TMEM150C: variants seen among roughly 807,000 people sequenced by gnomAD.
TMEM150C encodes the protein tentonin 3.
A neutral mutation model predicts 29.9 loss-of-function variants in TMEM150C; 10 were observed. That is an observed-to-expected ratio of 0.33 (90% CI 0.21 to 0.57). The LOEUF (loss-of-function observed/expected upper bound fraction) is 0.57, where lower values mean the gene tolerates loss of function less well. TMEM150C is among the 20% of genes least tolerant of loss of function. TMEM150C has a pLI of 0.88. For missense variants in TMEM150C, 251 were observed against 303.6 expected, an observed-to-expected ratio of 0.83 and a Z score of 1.29; for synonymous variants, 101 against 112.5, an observed-to-expected ratio of 0.90 and a Z score of 0.64.
At chr4:82,499,791 T>C (rs1723676628) in intron 5 of TMEM150C, among the ~76,000 whole-genome samples, 1 of 151,224 alleles carries the variant, frequency 6.6e-6, no homozygotes, top group Non-Finnish European at 1.5e-5. Context: ...TTTTAAATTC[T>C]GAGTCTGACT....
chr4:82,487,129 A>G lies in TMEM150C; in HGVS notation c.542-1410T>C, dbSNP rs147145096. ...ATTCCACGTGTTCAGAAAGAGCATGAATCAGAATCATTTGGTGAAAGCTCA... is the reference window on the plus strand; with the variant it reads ...ATTCCACGTGTTCAGAAAGAGCATGGATCAGAATCATTTGGTGAAAGCTCA... On this transcript the variant is annotated intron_variant, in intron 7 of 7. Coordinates refer to ENST00000449862, the MANE Select transcript of TMEM150C (RefSeq NM_001080506.3). Among the ~76,000 whole-genome samples, 932 of 152,268 alleles carry G rather than the reference A, an allele frequency of 6.1e-3. 2 individuals carry two copies. Among genetic ancestry groups the G allele is most frequent in the Middle Eastern group, 0.017 (5 of 294 alleles).
At chr4:82,524,899 A>G (rs1724604219) in intron 1 of TMEM150C, among the ~76,000 whole-genome samples, 1 of 152,194 alleles carries the variant, frequency 6.6e-6, no homozygotes, top group South Asian at 2.1e-4. Context: ...CATCCTGGGT[A>G]AGGGACCGCT....
intron 1 of TMEM150C, among the ~76,000 whole-genome samples, chr4:82,545,090 C>CA (rs991607388): frequency 2.0e-5 from 3 of 151,866 alleles, no homozygotes; most frequent in African/African-American, 7.3e-5. Flanking sequence ...AAAGATGTAA[C>CA]AAAAAAAGAA....
intron 1 of TMEM150C, among the ~76,000 whole-genome samples, chr4:82,548,279 T>C (rs1355410109): frequency 2.0e-5 from 3 of 152,192 alleles, no homozygotes. Context: ...AACTTCAGTA[T>C]CATGCAATAT....
At chr4:82,537,822 A>C (rs1725060359) in intron 1 of TMEM150C, among the ~76,000 whole-genome samples, 1 of 152,220 alleles carries the variant, frequency 6.6e-6, no homozygotes, top group African/African-American at 2.4e-5. Flanking sequence ...AGCCACCAGA[A>C]GCTGGAAGAG....
intron 1 of TMEM150C, among the ~76,000 whole-genome samples, chr4:82,550,170 TAGTG>T (rs1395560717): frequency 2.6e-5 from 4 of 152,166 alleles, no homozygotes; most frequent in Non-Finnish European, 4.4e-5. Flanking sequence ...GTTCTCATGG[TAGTG>T]AGTGAGTTCT....
chr4:82,535,043 C>G (rs1015302319), intron 1 of TMEM150C, among the ~76,000 whole-genome samples: 2 of 152,176 alleles, frequency 1.3e-5, no homozygotes, highest in African/African-American at 4.8e-5. Flanking sequence ...TCAATTCTTG[C>G]ATACACCAGA....
chr4:82,487,040 G>A (rs569003555), intron 7 of TMEM150C, among the ~76,000 whole-genome samples: 1 of 152,186 alleles, frequency 6.6e-6, no homozygotes, highest in Admixed American at 6.5e-5. Flanking sequence ...AATTACTTCA[G>A]CCAAACTTTG....
chr4:82,548,999 C>G (rs990545470), intron 1 of TMEM150C, among the ~76,000 whole-genome samples: 1 of 152,092 alleles, frequency 6.6e-6, no homozygotes, highest in Admixed American at 6.6e-5. Flanking sequence ...AATGATTTGG[C>G]TTTCGCTATA....
intron 1 of TMEM150C, among the ~76,000 whole-genome samples, chr4:82,511,315 C>G (rs1724114805): frequency 6.6e-6 from 1 of 151,984 alleles, no homozygotes; most frequent in Non-Finnish European, 1.5e-5. Flanking sequence ...TCCTAAGAAC[C>G]AATGGCAACT....
intron 1 of TMEM150C, among the ~76,000 whole-genome samples, chr4:82,532,440 CA>C (rs1162796807): frequency 6.6e-6 from 1 of 152,070 alleles, no homozygotes; most frequent in Non-Finnish European, 1.5e-5. Context: ...GTGACAATAA[CA>C]AAGTAAAAGC....
chr4:82,552,979 T>C (rs761682386), intron 1 of TMEM150C, among the ~76,000 whole-genome samples: 14 of 152,212 alleles, frequency 9.2e-5, no homozygotes, highest in Non-Finnish European at 1.8e-4. Flanking sequence ...AGAACACCTT[T>C]GTGTTCCATC....
chr4:82,495,976 C>T (rs1723544253), intron 6 of TMEM150C, 92 bp downstream of exon 6: 4 of 1,508,414 alleles, frequency 2.7e-6, no homozygotes. Flanking sequence ...TTATATGGGC[C>T]ATATGGTGAT....
At chr4:82,518,337 G>A (rs1724363897) in intron 1 of TMEM150C, among the ~76,000 whole-genome samples, 1 of 151,888 alleles carries the variant, frequency 6.6e-6, no homozygotes, top group African/African-American at 2.4e-5. Context: ...AAGAAAGAAA[G>A]TAGTGACCGG....
intron 1 of TMEM150C, among the ~76,000 whole-genome samples, chr4:82,553,597 G>A (rs560428441): frequency 1.1e-4 from 17 of 152,202 alleles, no homozygotes; most frequent in African/African-American, 2.4e-4. Flanking sequence ...TTCCCATTTC[G>A]ATAAAATAAG....
chr4:82,556,091 GT>G (rs74418928), intron 1 of TMEM150C, among the ~76,000 whole-genome samples: 68 of 147,026 alleles, frequency 4.6e-4, no homozygotes, highest in East Asian at 4.5e-3. Context: ...TTCTAGTGTT[GT>G]TTTTTTTTTT....
chr4:82,562,033 C>G, upstream of TMEM150C: 1 of 1,154,178 alleles, frequency 8.7e-7, no homozygotes, highest in Non-Finnish European at 1.1e-6. Context: ...CACCCGCCCG[C>G]CCGGCCCCCT....
chr4:82,540,665 C>CACAAA (rs1311397904), intron 1 of TMEM150C, among the ~76,000 whole-genome samples: 1 of 152,050 alleles, frequency 6.6e-6, no homozygotes, highest in Non-Finnish European at 1.5e-5. Flanking sequence ...TTTATCCTGA[C>CACAAA]ACAAAGACAG....
At chr4:82,526,948 T>C (rs1724672250) in intron 1 of TMEM150C, among the ~76,000 whole-genome samples, 1 of 151,278 alleles carries the variant, frequency 6.6e-6, no homozygotes, top group Non-Finnish European at 1.5e-5. Context: ...TTCTTACCCA[T>C]CTTTCCAGAA....
Sources: gnomAD v4.1 joint callset for allele counts (sites outside exome capture counted in the v4.1 genomes callset) on GRCh38, gnomAD v4.1.1 for gene constraint, MANE v1.5 for transcripts, NCBI Gene and HGNC (gene_info 2026-07-23, HGNC 2026-07-21) for gene names.